GAB2: variants seen among roughly 807,000 people sequenced by gnomAD.
The protein encoded by GAB2 is GRB2 associated binding protein 2.
GAB2 carries 26 observed loss-of-function variants against 65.5 expected under a neutral mutation model. The ratio of observed to expected loss-of-function variants is 0.40; its 90% CI spans 0.29 to 0.55. The LOEUF is 0.55. GAB2 is among the 20% of genes least tolerant of loss of function. GAB2 has a pLI of 0.53. For synonymous variants in GAB2, 321 were observed against 329.6 expected (o/e 0.97, Z 0.28); for missense variants, 884 against 875.8 (o/e 1.01, Z -0.12).
At chr11:78,399,070 C>CT (rs1856937952) in intron 1 of GAB2, among the ~76,000 whole-genome samples, 1 of 152,166 alleles carries the variant, frequency 6.6e-6, no homozygotes, top group African/African-American at 2.4e-5. Flanking sequence ...TCCTAAGGAA[C>CT]TCACTCACTA....
chr11:78,299,727 A>T (rs1392957837), intron 1 of GAB2, among the ~76,000 whole-genome samples: 1 of 152,250 alleles, frequency 6.6e-6, no homozygotes, highest in Admixed American at 6.5e-5. Flanking sequence ...TCAGGTGATC[A>T]AGTAAATGGA....
chr11:78,302,781 T>A (rs568744052), intron 1 of GAB2, among the ~76,000 whole-genome samples: 4 of 152,178 alleles, frequency 2.6e-5, no homozygotes, highest in Non-Finnish European at 4.4e-5. Context: ...CCATCCCAAA[T>A]ACCTATCAAT....
intron 1 of GAB2, among the ~76,000 whole-genome samples, chr11:78,291,294 CA>C (rs397848614): frequency 0.6 from 62,315 of 103,700 alleles, 17,519 homozygotes; most frequent in Non-Finnish European, 0.64. Flanking sequence ...ACTAAAACGA[CA>C]AAAAAAAAAA....
chr11:78,411,265 T>A (rs991118785), intron 1 of GAB2, among the ~76,000 whole-genome samples: 6 of 152,208 alleles, frequency 3.9e-5, no homozygotes, highest in African/African-American at 1.4e-4. Flanking sequence ...ATAGTAAAGC[T>A]GTAATTTCTT....
intron 3 of GAB2, among the ~76,000 whole-genome samples, chr11:78,249,248 T>C (rs1304164281): frequency 6.6e-6 from 1 of 152,232 alleles, no homozygotes; most frequent in Non-Finnish European, 1.5e-5. Flanking sequence ...TCTCAGTGTA[T>C]TGATTGGTTC....
chr11:78,257,849 G>A (rs1441654319), intron 2 of GAB2, among the ~76,000 whole-genome samples: 1 of 151,630 alleles, frequency 6.6e-6, no homozygotes, highest in Non-Finnish European at 1.5e-5. Context: ...AATAGGCTCA[G>A]AGACATCAAT....
chr11:78,404,127 A>T (rs1857009257), intron 1 of GAB2, among the ~76,000 whole-genome samples: 1 of 152,242 alleles, frequency 6.6e-6, no homozygotes, highest in African/African-American at 2.4e-5. Context: ...AAGAAAGGAA[A>T]TCAATGTATT....
chr11:78,403,238 T>A lies in GAB2; in HGVS notation c.75+14408A>T, dbSNP rs147560488. The stretch of plus-strand genomic sequence containing the variant: ...AATCACTTAAACATATTTACGAAGT[T>A]TAAATTTTTAAAAACTGCTAGGGTT... On this transcript the variant is annotated intron_variant, in intron 1 of 9. Transcript: ENST00000361507. Among the ~76,000 whole-genome samples the A allele has an allele frequency of 7.7e-4, 118 of 152,342 alleles. 1 individual carries two copies. Among genetic ancestry groups the A allele is most frequent in the African/African-American group, 2.7e-3 (111 of 41,580 alleles).
chr11:78,276,418 T>C (rs2510048), intron 2 of GAB2, among the ~76,000 whole-genome samples: 23,903 of 152,110 alleles, frequency 0.16, 2,429 homozygotes, highest in East Asian at 0.4. Context: ...AATAAGGCCA[T>C]TGACAAAACA....
intron 1 of GAB2, among the ~76,000 whole-genome samples, chr11:78,291,555 CTTTTTCTTTTTTTTTTTTTTT>C (rs1357815110): frequency 2.0e-4 from 11 of 55,058 alleles, no homozygotes; most frequent in East Asian, 1.0e-3. Context: ...TTACTTTTTT[CTTTTTCTTTTTTTTTTTTTTT>C]TTTTTTTTTT....
chr11:78,288,964 A>G (rs963718917), intron 1 of GAB2, among the ~76,000 whole-genome samples: 56 of 152,392 alleles, frequency 3.7e-4, no homozygotes, highest in African/African-American at 1.2e-3. Flanking sequence ...TGGCGAAGAG[A>G]CAGACACAGA....
intron 2 of GAB2, among the ~76,000 whole-genome samples, chr11:78,267,857 CAAAA>C (rs751533828): frequency 1.1e-3 from 36 of 32,796 alleles, no homozygotes; most frequent in African/African-American, 2.5e-3. Flanking sequence ...GACTCCGTCT[CAAAA>C]AAAAAAAAAA....
At chr11:78,287,666 T>G (rs1166200298) in intron 1 of GAB2, among the ~76,000 whole-genome samples, 3 of 150,880 alleles carry the variant, frequency 2.0e-5, no homozygotes, top group African/African-American at 7.4e-5. Context: ...TTTTTTTTTT[T>G]GAGACAGAGT....
Position 78,227,480 on chromosome 11 carries a change from T to C in GAB2, c.621-429A>G, listed in dbSNP as rs539460506. On this transcript the variant is annotated intron_variant, in intron 3 of 9. Transcript: ENST00000361507. The stretch of plus-strand genomic sequence containing the variant: ...TGTGAAACTAGCCCATGGGTATTGA[T>C]GTTGTAAGTTGAAAAGAATTATTTG... 3.9e-5 allele frequency among the ~76,000 whole-genome samples: 6 copies of C among 152,194 alleles called. No individual in the cohort carries two copies. The East Asian group carries it at 9.7e-4, about 25-fold the overall frequency.
chr11:78,332,334 C>T lies in GAB2; in HGVS notation c.76-51433G>A, dbSNP rs557687626. On this transcript the variant is annotated intron_variant, in intron 1 of 9. Coordinates refer to ENST00000361507, the MANE Select transcript of GAB2 (RefSeq NM_080491.3). ...CCACCAGGCTTGGGACTTTCCCTGC[C>T]CACCAACCTAGGGAGATCAACTTAA... 9.2e-5 allele frequency among the ~76,000 whole-genome samples: 14 copies of T among 152,206 alleles called. No homozygotes were observed. The South Asian group carries it at 2.9e-3, about 32-fold the overall frequency.
intron 1 of GAB2, among the ~76,000 whole-genome samples, chr11:78,309,926 A>ATTGTGTG (rs1163936315): frequency 1.3e-4 from 17 of 135,702 alleles, no homozygotes; most frequent in African/African-American, 4.5e-4. Flanking sequence ...AGGGTTAGAA[A>ATTGTGTG]TGTGTGTGTG....
At chr11:78,327,423 TA>T (rs1156943325) in intron 1 of GAB2, among the ~76,000 whole-genome samples, 5 of 152,230 alleles carry the variant, frequency 3.3e-5, no homozygotes, top group Middle Eastern at 3.4e-3. Context: ...CAATGAGCCT[TA>T]AAGGATGAAC....
At chr11:78,413,796 C>T (rs371706981) in intron 1 of GAB2, among the ~76,000 whole-genome samples, 1 of 152,058 alleles carries the variant, frequency 6.6e-6, no homozygotes, top group Non-Finnish European at 1.5e-5. Context: ...AAGAAAGGAA[C>T]CATGCAGGCT....
chr11:78,281,030 T>G, intron 1 of GAB2, 129 bp from the exon 2 acceptor site: 1 of 722,878 alleles, frequency 1.4e-6, no homozygotes, highest in East Asian at 2.6e-5. Flanking sequence ...CAAAGCTCAC[T>G]GCAATCTTGA....
Sources: allele counts gnomAD v4.1 joint callset (sites outside exome capture counted in the v4.1 genomes callset), GRCh38; gene constraint gnomAD v4.1.1; transcripts MANE v1.5; gene names NCBI Gene and HGNC (gene_info 2026-07-23, HGNC 2026-07-21).